The following OSTM1 variants were observed in gnomAD, a reference collection of about 807,000 sequenced individuals.
OSTM1 encodes the protein osteopetrosis-associated transmembrane protein 1.
OSTM1 carries 26 observed loss-of-function variants against 35.4 expected under a neutral mutation model. The observed-to-expected ratio is 0.73, with a 90% CI of 0.54 to 1.02. The LOEUF is 1.02. Among genes scored for constraint, OSTM1 ranks in the 50% least tolerant of loss-of-function variants. The pLI is 0.00. For missense variants in OSTM1, 366 were observed against 409.6 expected (o/e 0.89, Z 0.92); for synonymous variants, 181 against 165.0 (o/e 1.10, Z -0.75).
intron 2 of OSTM1, among the ~76,000 whole-genome samples, chr6:108,058,992 T>C (rs549075125): frequency 1.3e-5 from 2 of 152,276 alleles, no homozygotes; most frequent in Admixed American, 1.3e-4. Context: ...ACTGAAGATA[T>C]AGGTTGCTCA....
At chr6:108,054,338 AACTT>A in intron 3 of OSTM1, 148 bp downstream of exon 3, 4 of 427,414 alleles carry the variant, frequency 9.4e-6, no homozygotes, top group Non-Finnish European at 1.2e-5. Flanking sequence ...TAAGTAGAAG[AACTT>A]ACTTAAGAGC....
intron 4 of OSTM1, 137 bp from the exon 5 acceptor site, chr6:108,049,555 A>G: frequency 6.8e-7 from 1 of 1,470,172 alleles, no homozygotes; most frequent in Non-Finnish European, 9.0e-7. Context: ...CTGATAGTTG[A>G]GGACAACTTC....
At chr6:108,069,087 C>T (rs2114610985) in intron 1 of OSTM1, among the ~76,000 whole-genome samples, 1 of 152,334 alleles carries the variant, frequency 6.6e-6, no homozygotes, top group Non-Finnish European at 1.5e-5. Flanking sequence ...ACCCCCCAGT[C>T]ATACTCAAGA....
At chr6:108,048,202 G>A (rs907323738) in intron 5 of OSTM1, among the ~76,000 whole-genome samples, 7 of 152,178 alleles carry the variant, frequency 4.6e-5, no homozygotes, top group East Asian at 1.9e-4. Flanking sequence ...AGTAGTGATC[G>A]AAATTTATAG....
At chr6:108,069,281 A>G (rs527540076) in intron 1 of OSTM1, among the ~76,000 whole-genome samples, 6 of 152,296 alleles carry the variant, frequency 3.9e-5, no homozygotes, top group African/African-American at 1.2e-4. Context: ...GGTACTCAAT[A>G]ATTTTTTTGA....
Position 108,047,606 on chromosome 6 carries a change from G to A in OSTM1, c.949+1647C>T, listed in dbSNP as rs1204483940. Among the ~76,000 whole-genome samples the A allele has an allele frequency of 3.3e-5, 5 of 152,210 alleles. No individual in the cohort carries two copies. The East Asian group carries it at 5.8e-4, about 18-fold the overall frequency. On this transcript the variant is annotated intron_variant, in intron 5 of 5. Transcript: ENST00000193322. ...GGGATACCAGTTAAGGGGCTCTTGCGTTAGTACAGATAAGAGATGAAGATG... is the reference window on the plus strand; with the variant it reads ...GGGATACCAGTTAAGGGGCTCTTGCATTAGTACAGATAAGAGATGAAGATG...
chr6:108,058,757 G>A (rs1266302882), intron 2 of OSTM1, among the ~76,000 whole-genome samples: 1 of 151,854 alleles, frequency 6.6e-6, no homozygotes, highest in Non-Finnish European at 1.5e-5. Context: ...CGGCCTGGGT[G>A]ACAGAGCAAG....
chr6:108,054,419 A>G, intron 3 of OSTM1, 71 bp downstream of exon 3: 1 of 697,084 alleles, frequency 1.4e-6, no homozygotes, highest in Admixed American at 2.6e-5. Flanking sequence ...TAGTGCTCTA[A>G]AAACTTGGAA....
intron 1 of OSTM1, among the ~76,000 whole-genome samples, chr6:108,069,373 T>C (rs1210264298): frequency 6.6e-6 from 1 of 152,172 alleles, no homozygotes; most frequent in Non-Finnish European, 1.5e-5. Flanking sequence ...TTTCTCCCTA[T>C]AGTCCTCAGA....
At chr6:108,058,100 G>A (rs1385080918) in intron 2 of OSTM1, among the ~76,000 whole-genome samples, 1 of 146,472 alleles carries the variant, frequency 6.8e-6, no homozygotes, top group Non-Finnish European at 1.5e-5. Flanking sequence ...ACCCAGGCTG[G>A]AGTGCACTGG....
chr6:108,071,615 A>G (rs750406301), intron 1 of OSTM1, among the ~76,000 whole-genome samples: 3 of 151,746 alleles, frequency 2.0e-5, no homozygotes, highest in Non-Finnish European at 4.4e-5. Flanking sequence ...ACCTGGCCTC[A>G]TAAGTTCATT....
intron 2 of OSTM1, among the ~76,000 whole-genome samples, chr6:108,058,443 A>G (rs1040504484): frequency 1.3e-5 from 2 of 152,198 alleles, no homozygotes; most frequent in Non-Finnish European, 2.9e-5. Context: ...ATAAGATACA[A>G]ATAATATGAT....
rs577900332 is a variant in OSTM1, at chr6:108,071,742, G to C, written c.402+2508C>G. Among the ~76,000 whole-genome samples the C allele has an allele frequency of 2.0e-5, 3 of 152,148 alleles. No homozygotes were observed. In the South Asian group the frequency reaches 6.2e-4, roughly 32 times the overall value. On this transcript the variant is annotated intron_variant, in intron 1 of 5. Transcript: ENST00000193322. ...TAATGAATCATATCCAGCTCTACTG[G>C]GGAAATAAGGCGAGCCGAGACCAAG...
At chr6:108,072,951 G>A (rs564143416) in intron 1 of OSTM1, among the ~76,000 whole-genome samples, 13 of 152,214 alleles carry the variant, frequency 8.5e-5, no homozygotes, top group African/African-American at 3.1e-4. Flanking sequence ...TGGGACTACA[G>A]GCACGTGCCA....
intron 2 of OSTM1, among the ~76,000 whole-genome samples, chr6:108,062,367 T>G (rs532923751): frequency 3.5e-4 from 54 of 152,172 alleles, no homozygotes; most frequent in Non-Finnish European, 4.3e-4. Flanking sequence ...ATTATGCTAC[T>G]CAGAATCATA....
rs772131937 is a variant in OSTM1, at chr6:108,054,595, A to G, written c.518-8T>C. 5 of 1,295,166 alleles carry G rather than the reference A, an allele frequency of 3.9e-6. No individual in the cohort carries two copies. The African/African-American group carries it at 7.3e-5, about 19-fold the overall frequency. The allele number at this position is 1,295,166 out of a possible 1,614,324, so 80.2% of individuals were successfully genotyped here. A position where few individuals can be genotyped will look rare whatever the true frequency, so the allele number is the denominator to read the frequency against. Reference sequence around the variant, plus strand: ...TGTTGTTTGTTAAACAATCTGTCAAAAAAATTCAAAAAGTATATTAATATA... The same window carrying G: ...TGTTGTTTGTTAAACAATCTGTCAAGAAAATTCAAAAAGTATATTAATATA... On this transcript the variant is annotated splice_region_variant and splice_polypyrimidine_tract_variant and intron_variant, in intron 2 of 5. Transcript: ENST00000193322.
chr6:108,055,960 C>T (rs371562410), intron 2 of OSTM1, among the ~76,000 whole-genome samples: 1 of 152,146 alleles, frequency 6.6e-6, no homozygotes, highest in Admixed American at 6.5e-5. Context: ...GGATCTCTCT[C>T]AACTGGAAGT....
intron 1 of OSTM1, chr6:108,073,915 A>C: frequency 2.2e-5 from 8 of 361,254 alleles, no homozygotes; most frequent in Non-Finnish European, 2.0e-5. Context: ...TTGTTTCAGA[A>C]AAGGATCCTT....
intron 1 of OSTM1, among the ~76,000 whole-genome samples, chr6:108,071,136 TGA>T (rs952122561): frequency 1.3e-5 from 2 of 149,110 alleles, no homozygotes; most frequent in African/African-American, 4.9e-5. Flanking sequence ...TGCAGTGAGC[TGA>T]GATTATGCCA....
Sources: allele counts gnomAD v4.1 joint callset (sites outside exome capture counted in the v4.1 genomes callset), GRCh38; gene constraint gnomAD v4.1.1; transcripts MANE v1.5; gene names NCBI Gene and HGNC (gene_info 2026-07-23, HGNC 2026-07-21).